Variants in NRG1 observed in about 807,000 individuals in gnomAD.
The protein encoded by NRG1 is neuregulin 1.
NRG1 carries 18 observed loss-of-function variants against 63.8 expected under a neutral mutation model. That is an observed-to-expected ratio of 0.28 (90% CI 0.19 to 0.42). NRG1 has a LOEUF of 0.42. NRG1 is among the 10% of genes least tolerant of loss of function. The probability of loss-of-function intolerance (pLI) is 1.00; values close to 1 mark genes in which losing one functional copy is unlikely to be tolerated. For synonymous variants in NRG1, 302 were observed against 301.3 expected, an observed-to-expected ratio of 1.00 and a Z score of -0.02; for missense variants, 762 against 814.7, an observed-to-expected ratio of 0.94 and a Z score of 0.79.
chr8:31,835,652 A>G (rs1169721684), intron 1 of NRG1, among the ~76,000 whole-genome samples: 1 of 152,142 alleles, frequency 6.6e-6, no homozygotes, highest in African/African-American at 2.4e-5. Context: ...ATTACCCTTT[A>G]ATAGCATATT....
chr8:32,644,734 TAA>T (rs1236090481), intron 5 of NRG1, among the ~76,000 whole-genome samples: 2 of 152,208 alleles, frequency 1.3e-5, no homozygotes, highest in East Asian at 3.9e-4. Context: ...AGTCTTTGTA[TAA>T]AATGTTGGTT....
At chr8:32,389,800 A>C (rs986115717) in intron 1 of NRG1, among the ~76,000 whole-genome samples, 8 of 147,466 alleles carry the variant, frequency 5.4e-5, no homozygotes, top group African/African-American at 2.0e-4. Context: ...TCACTCTGTC[A>C]CCCAGGTTGG....
At chr8:32,127,598 T>C (rs930421734) in intron 1 of NRG1, among the ~76,000 whole-genome samples, 1 of 151,208 alleles carries the variant, frequency 6.6e-6, no homozygotes, top group Non-Finnish European at 1.5e-5. Flanking sequence ...TGGTCTTCCA[T>C]AGAGGGAAGA....
intron 1 of NRG1, among the ~76,000 whole-genome samples, chr8:32,574,181 C>G (rs1839182150): frequency 6.6e-6 from 1 of 152,106 alleles, no homozygotes; most frequent in Admixed American, 6.6e-5. Context: ...TGTAACCTCT[C>G]AAATTTAAAC....
At chr8:31,991,508 T>C (rs138916146) in intron 1 of NRG1, among the ~76,000 whole-genome samples, 1 of 152,108 alleles carries the variant, frequency 6.6e-6, no homozygotes, top group East Asian at 1.9e-4. Context: ...GATGTTATCC[T>C]AATCTTCACA....
At chr8:31,679,127 T>C (rs1808052827) in intron 1 of NRG1, among the ~76,000 whole-genome samples, 1 of 152,138 alleles carries the variant, frequency 6.6e-6, no homozygotes, top group African/African-American at 2.4e-5. Context: ...TGAAGGCTCT[T>C]GTTCCAGATA....
At chr8:31,948,204 T>C (rs986492421) in intron 1 of NRG1, among the ~76,000 whole-genome samples, 9 of 152,168 alleles carry the variant, frequency 5.9e-5, no homozygotes, top group African/African-American at 2.2e-4. Context: ...TTTGTTAGCA[T>C]TTTCATTTTT....
chr8:32,160,339 G>C (rs963171695), intron 1 of NRG1, among the ~76,000 whole-genome samples: 1 of 152,224 alleles, frequency 6.6e-6, no homozygotes, highest in African/African-American at 2.4e-5. Flanking sequence ...TGTGTGACTA[G>C]GAACTGAACT....
At chr8:32,048,575 C>T (rs902333729) in intron 1 of NRG1, among the ~76,000 whole-genome samples, 1 of 150,224 alleles carries the variant, frequency 6.7e-6, no homozygotes, top group Non-Finnish European at 1.5e-5. Context: ...CACTAATTTC[C>T]ATTCCCACCA....
At position 31,701,996 on chromosome 8, in the gene NRG1, A is replaced by G. The variant is rs577100688; in HGVS notation, c.37+62565A>G. On this transcript the variant is annotated intron_variant, in intron 1 of 10. Coordinates refer to the NRG1 transcript ENST00000519301. ...ACCTAACCTATTGAGTTACAATTTTATTAGATGGGCCCAAAAAGTGTTTTA... is the reference window on the plus strand; with the variant it reads ...ACCTAACCTATTGAGTTACAATTTTGTTAGATGGGCCCAAAAAGTGTTTTA... Among the ~76,000 whole-genome samples the G allele has an allele frequency of 5.3e-5, 8 of 152,272 alleles. No homozygotes were observed. In the South Asian group the frequency reaches 1.4e-3, roughly 28 times the overall value.
intron 5 of NRG1, among the ~76,000 whole-genome samples, chr8:32,719,063 A>G (rs556323738): frequency 2.0e-5 from 3 of 152,240 alleles, no homozygotes; most frequent in East Asian, 3.9e-4. Flanking sequence ...CTGATAGTCA[A>G]TATCCTTTAC....
intron 1 of NRG1, among the ~76,000 whole-genome samples, chr8:31,840,349 C>CTTTTTTTTTTT (rs71992716): frequency 2.1e-4 from 24 of 116,798 alleles, no homozygotes; most frequent in Non-Finnish European, 2.5e-4. Context: ...TATTCTCTGT[C>CTTTTTTTTTTT]TTTTTTTTTT....
intron 1 of NRG1, among the ~76,000 whole-genome samples, chr8:32,008,499 G>T (rs1167893005): frequency 6.6e-6 from 1 of 152,016 alleles, no homozygotes; most frequent in Non-Finnish European, 1.5e-5. Flanking sequence ...TTCTCAGAAT[G>T]AATATTTCAA....
Position 32,760,418 on chromosome 8 carries a change from G to T in NRG1, c.1259+12G>T. 1 of 1,612,732 alleles carries T rather than the reference G, an allele frequency of 6.2e-7. No homozygotes were observed. Among genetic ancestry groups the T allele is most frequent in the South Asian group, 1.1e-5 (1 of 91,002 alleles). On this transcript the variant is annotated intron_variant, in intron 11 of 11. Coordinates refer to ENST00000356819, the Ensembl canonical transcript of NRG1. ...CCTCATAGTGAAAGGTAAAACCGAA[G>T]GGCAAAGCTACTGCAGAGGAGAAAC...
intron 1 of NRG1, among the ~76,000 whole-genome samples, chr8:31,829,191 G>A (rs529153232): frequency 1.3e-5 from 2 of 152,314 alleles, no homozygotes; most frequent in Non-Finnish European, 2.9e-5. Flanking sequence ...GCAGTCCCTT[G>A]TAACCTTGTT....
At chr8:32,313,261 A>G (rs191045376) in intron 1 of NRG1, among the ~76,000 whole-genome samples, 1 of 152,264 alleles carries the variant, frequency 6.6e-6, no homozygotes, top group African/African-American at 2.4e-5. Flanking sequence ...GAATCTTAGG[A>G]GTAACCTTTA....
intron 1 of NRG1, among the ~76,000 whole-genome samples, chr8:31,855,320 G>A (rs911931279): frequency 1.3e-5 from 2 of 152,128 alleles, no homozygotes; most frequent in Non-Finnish European, 2.9e-5. Flanking sequence ...TATATGTTTA[G>A]GATAGTTAGC....
At chr8:32,549,255 C>T (rs1833654306) in intron 1 of NRG1, among the ~76,000 whole-genome samples, 1 of 152,212 alleles carries the variant, frequency 6.6e-6, no homozygotes, top group Non-Finnish European at 1.5e-5. Context: ...TGGAATGGGC[C>T]GCCTGGAGGG....
chr8:32,034,787 T>C (rs1446113977), intron 1 of NRG1, among the ~76,000 whole-genome samples: 1 of 152,224 alleles, frequency 6.6e-6, no homozygotes, highest in Non-Finnish European at 1.5e-5. Flanking sequence ...GTGGGGTCAG[T>C]GGTGATATCC....
Sources: gnomAD v4.1 joint callset for allele counts (sites outside exome capture counted in the v4.1 genomes callset) on GRCh38, gnomAD v4.1.1 for gene constraint, MANE v1.5 for transcripts, NCBI Gene and HGNC (gene_info 2026-07-23, HGNC 2026-07-21) for gene names.